Variants in KRTDAP observed in about 807,000 individuals in gnomAD.
KRTDAP encodes keratinocyte differentiation-associated protein.
A neutral mutation model predicts 18.6 loss-of-function variants in KRTDAP; 14 were observed. The observed-to-expected ratio is 0.75, with a 90% confidence interval of 0.50 to 1.18. The LOEUF (loss-of-function observed/expected upper bound fraction) is 1.18, where lower values mean the gene tolerates loss of function less well. KRTDAP is among the 50% of genes most tolerant of loss of function. KRTDAP has a pLI of 0.00. For synonymous variants in KRTDAP, 53 were observed against 49.5 expected (o/e 1.07, Z -0.29); for missense variants, 114 against 121.3 (o/e 0.94, Z 0.28).
chr19:35,489,023 G>A (rs892513598), intron 1 of KRTDAP, among the ~76,000 whole-genome samples, 183 bp from the exon 2 acceptor site: 1 of 152,214 alleles, frequency 6.6e-6, no homozygotes, highest in South Asian at 2.1e-4. Flanking sequence ...GGTGAGGAGG[G>A]GGAATTGGAG....
intron 1 of KRTDAP, among the ~76,000 whole-genome samples, chr19:35,489,691 C>T (rs905269475): frequency 6.6e-6 from 1 of 152,064 alleles, no homozygotes. Flanking sequence ...CTTTTAAATC[C>T]GGAATAGGCA....
Position 35,487,435 on chromosome 19 carries a change from G to C in KRTDAP, c.293C>G (p.Ala98Gly). 1 of 1,614,116 alleles carries C rather than the reference G, an allele frequency of 6.2e-7. No individual in the cohort carries two copies. The highest frequency in any genetic ancestry group is 8.5e-7 in the Non-Finnish European group (1 of 1,179,940). ...TTCCAGTGGAGGTCATGGTCACTGG[G>C]CATCAGGAGTTGCGCTCCTCAGTCC... ...LKGLRSATPD[A>G]Q Residue 98 changes from alanine (A) to glycine (G), a missense_variant, in exon 6 of 6, where the codon GCC becomes GGC. Coordinates refer to ENST00000338897, the MANE Select transcript of KRTDAP (RefSeq NM_207392.3).
chr19:35,488,522 C>A (rs745789917), intron 3 of KRTDAP, 37 bp from the exon 4 acceptor site: 83 of 1,612,064 alleles, frequency 5.1e-5, no homozygotes, highest in Non-Finnish European at 7.0e-5. Flanking sequence ...CAGGTCAGCT[C>A]CAGGGGAGGC....
Position 35,488,659 on chromosome 19 carries a change from C to T in KRTDAP, c.168+3G>A. 6.2e-7 allele frequency: 1 copy of T among 1,614,160 alleles called. No individual in the cohort carries two copies. Among genetic ancestry groups the T allele is most frequent in the Admixed American group, 1.7e-5 (1 of 60,020 alleles). ...GGGGGTAGCACCAGAGAAGCGTACTCACAGATCGCAATTTGTCGATGTTCA... is the reference window on the plus strand; with the variant it reads ...GGGGGTAGCACCAGAGAAGCGTACTTACAGATCGCAATTTGTCGATGTTCA... On this transcript the variant is annotated splice_donor_region_variant and intron_variant, in intron 3 of 5. Coordinates refer to ENST00000338897, the MANE Select transcript of KRTDAP (RefSeq NM_207392.3).
chr19:35,489,926 C>T (rs1478652188), intron 1 of KRTDAP, among the ~76,000 whole-genome samples: 1 of 152,190 alleles, frequency 6.6e-6, no homozygotes, highest in Non-Finnish European at 1.5e-5. Context: ...GCTTCACCCT[C>T]TCCACCTGCT....
rs778704924 is a variant in KRTDAP at position 35,488,752 on chromosome 19, G to A, written c.127-49C>T. The A allele has an allele frequency of 5.0e-6, 8 of 1,614,140 alleles. No individual in the cohort carries two copies. In the East Asian group the frequency reaches 1.8e-4, roughly 36 times the overall value. The stretch of plus-strand genomic sequence containing the variant: ...GGAAAGTTGCTAAGAAGCAAAAAGA[G>A]AGAGAGGACAGACTCGTGGCTGGAG... On this transcript the variant is annotated intron_variant, in intron 2 of 5. Coordinates refer to ENST00000338897, the MANE Select transcript of KRTDAP (RefSeq NM_207392.3).
rs375252434 is a variant in KRTDAP, at chr19:35,488,690, G to C, written c.140C>G (p.Pro47Arg). 3.7e-6 allele frequency: 6 copies of C among 1,614,176 alleles called. No homozygotes were observed. In the Admixed American group the frequency reaches 1.0e-4, roughly 27 times the overall value. Residue 47 changes from proline to arginine, a missense_variant, in exon 3 of 6, where the codon CCG becomes CGG. Pro to Arg is a moderately radical substitution (Grantham distance 103, BLOSUM62 -2). Coordinates refer to ENST00000338897, the MANE Select transcript of KRTDAP (RefSeq NM_207392.3). ...YASRPEAFNTPFLNIDKLRSA... is the reference protein window; with the variant it reads ...YASRPEAFNTRFLNIDKLRSA... ...TCGCAATTTGTCGATGTTCAGGAAC[G>C]GGGTGTTAAAGGCCTAGGCAGAAAC...
At position 35,488,795 on chromosome 19, in the gene KRTDAP, G is replaced by C. The variant is rs1172276205; in HGVS notation, c.126+7C>G. On this transcript the variant is annotated splice_region_variant and intron_variant, in intron 2 of 5. Coordinates refer to ENST00000338897, the MANE Select transcript of KRTDAP (RefSeq NM_207392.3). ...GGCTGGAGGGCCGGGGAAAACAGAC[G>C]GCTTACCTCGGGTCGTGACGCATAA... The C allele has an allele frequency of 6.2e-7, 1 of 1,614,010 alleles. No individual in the cohort carries two copies. The highest frequency in any genetic ancestry group is 8.5e-7 in the Non-Finnish European group (1 of 1,180,008).
intron 1 of KRTDAP, 138 bp from the exon 2 acceptor site, chr19:35,488,978 C>G: frequency 1.4e-6 from 1 of 737,162 alleles, no homozygotes; most frequent in East Asian, 2.6e-5. Flanking sequence ...CCATGGTCTC[C>G]GTTCCAGTCG....
Position 35,488,694 on chromosome 19 carries a change from T to C in KRTDAP, c.136A>G (p.Thr46Ala). 1 of 1,613,622 alleles carries C rather than the reference T, an allele frequency of 6.2e-7. No homozygotes were observed. ...AATTTGTCGATGTTCAGGAACGGGGTGTTAAAGGCCTAGGCAGAAACGCAG... is the reference window on the plus strand; with the variant it reads ...AATTTGTCGATGTTCAGGAACGGGGCGTTAAAGGCCTAGGCAGAAACGCAG... ...NYASRPEAFNTPFLNIDKLRS... is the reference protein window; with the variant it reads ...NYASRPEAFNAPFLNIDKLRS... The change falls in exon 3 of 6, where the codon ACC (threonine) becomes GCC (alanine). Residue 46 changes from threonine to alanine, a missense_variant. Transcript: ENST00000338897.
intron 1 of KRTDAP, among the ~76,000 whole-genome samples, chr19:35,489,401 A>G (rs1055084843): frequency 1.3e-5 from 2 of 152,232 alleles, no homozygotes; most frequent in African/African-American, 4.8e-5. Flanking sequence ...GGCTGGATCC[A>G]GATGCTTAGA....
rs747444967 is a variant in KRTDAP, at chr19:35,490,449, A to C, written c.-7T>G. 5.0e-5 allele frequency: 81 copies of C among 1,604,178 alleles called. No homozygotes were observed. The highest frequency in any genetic ancestry group is 6.8e-5 in the Non-Finnish European group (80 of 1,172,140). ...GAAGGACCGGGATCTTCATGGCGTC[A>C]AGTTTGGGGTGCTCTGAGGCGGGGC... On this transcript the variant is annotated 5_prime_UTR_variant, in exon 1 of 6. Transcript: ENST00000338897.
chr19:35,488,905 C>T (rs2067507708), intron 1 of KRTDAP, 65 bp from the exon 2 acceptor site: 1 of 1,480,056 alleles, frequency 6.8e-7, no homozygotes, highest in Non-Finnish European at 9.4e-7. Context: ...TGCCCACATC[C>T]CTGTCTGCCA....
Position 35,488,290 on chromosome 19 carries a change from G to T in KRTDAP, c.213+151C>A. ...CTGGCGCCGGGGGAAGCTTTCTTCC[G>T]TTGACAGCCCATTGGGCAGCATCCA... On this transcript the variant is annotated intron_variant, in intron 4 of 5. Transcript: ENST00000338897. The T allele has an allele frequency of 3.8e-6, 3 of 785,152 alleles. No homozygotes were observed. The South Asian group carries it at 5.2e-5, about 14-fold the overall frequency. The allele number at this position is 785,152 out of a possible 1,614,324, so 48.6% of individuals were successfully genotyped here.
intron 5 of KRTDAP, 25 bp from the exon 6 acceptor site, chr19:35,487,491 G>T: frequency 6.2e-7 from 1 of 1,609,052 alleles, no homozygotes; most frequent in Non-Finnish European, 8.5e-7. Context: ...GTCAGGGTTA[G>T]ATGGGGAACC....
In KRTDAP at chr19:35,487,713, T is replaced by C; in HGVS notation, c.260A>G (p.Lys87Arg). The change falls in exon 5 of 6, where the codon AAG becomes AGG. Residue 87 changes from lysine (K) to arginine (R), a missense_variant and splice_region_variant. Coordinates refer to ENST00000338897, the MANE Select transcript of KRTDAP (RefSeq NM_207392.3). ...CCTCCTAATGCCCACACCTCTTACCTTAGGAAAGGCATCCCAGTTGAGGAA... is the reference window on the plus strand; with the variant it reads ...CCTCCTAATGCCCACACCTCTTACCCTAGGAAAGGCATCCCAGTTGAGGAA... Reference protein sequence around the residue: ...LPFLNWDAFPKLKGLRSATPD... With the variant: ...LPFLNWDAFPRLKGLRSATPD... 1.9e-6 allele frequency: 3 copies of C among 1,612,072 alleles called. No homozygotes were observed. The highest frequency in any genetic ancestry group is 2.5e-6 in the Non-Finnish European group (3 of 1,178,232).
chr19:35,488,693 G>C lies in KRTDAP; in HGVS notation c.137C>G (p.Thr46Ser). 1 of 1,614,178 alleles carries C rather than the reference G, an allele frequency of 6.2e-7. No homozygotes were observed. Among genetic ancestry groups the C allele is most frequent in the Non-Finnish European group, 8.5e-7 (1 of 1,180,032 alleles). ...CAATTTGTCGATGTTCAGGAACGGG[G>C]TGTTAAAGGCCTAGGCAGAAACGCA... Reference protein sequence around the residue: ...NYASRPEAFNTPFLNIDKLRS... With the variant: ...NYASRPEAFNSPFLNIDKLRS... The change falls in exon 3 of 6, where the codon ACC becomes AGC. Residue 46 changes from threonine to serine, a missense_variant. Physicochemically the swap from Thr to Ser is moderately conservative, Grantham distance 58 (BLOSUM62 1). Transcript: ENST00000338897.
chr19:35,488,298 C>T (rs1353495090), intron 4 of KRTDAP, 143 bp downstream of exon 4: 9 of 817,104 alleles, frequency 1.1e-5, no homozygotes, highest in Non-Finnish European at 1.2e-5. Flanking sequence ...CCGTTGACAG[C>T]CCATTGGGCA....
In KRTDAP at chr19:35,488,691, G is replaced by C. The variant is rs1046945251; in HGVS notation, c.139C>G (p.Pro47Ala). The change falls in exon 3 of 6, where the codon CCG becomes GCG. Residue 47 changes from proline to alanine, a missense_variant. Coordinates refer to ENST00000338897, the MANE Select transcript of KRTDAP (RefSeq NM_207392.3). ...CGCAATTTGTCGATGTTCAGGAACGGGGTGTTAAAGGCCTAGGCAGAAACG... is the reference window on the plus strand; with the variant it reads ...CGCAATTTGTCGATGTTCAGGAACGCGGTGTTAAAGGCCTAGGCAGAAACG... The part of the protein sequence containing the change: ...YASRPEAFNT[P>A]FLNIDKLRSA... 1 of 1,614,164 alleles carries C rather than the reference G, an allele frequency of 6.2e-7. No individual in the cohort carries two copies. Among genetic ancestry groups the C allele is most frequent in the Non-Finnish European group, 8.5e-7 (1 of 1,180,014 alleles).
Sources: gnomAD v4.1 joint callset for allele counts (sites outside exome capture counted in the v4.1 genomes callset) on GRCh38, gnomAD v4.1.1 for gene constraint, MANE v1.5 for transcripts, NCBI Gene and HGNC (gene_info 2026-07-23, HGNC 2026-07-21) for gene names.